The following TAF3 variants were observed in gnomAD, a reference collection of about 807,000 sequenced individuals.
TAF3 encodes TATA-box binding protein associated factor 3, also known as transcription initiation factor TFIID subunit 3.
TAF3 carries 7 observed loss-of-function variants against 80.6 expected under a neutral mutation model. The ratio of observed to expected loss-of-function variants is 0.09; its 90% CI spans 0.05 to 0.16. The LOEUF is 0.16. Among genes scored for constraint, TAF3 ranks in the 10% least tolerant of loss-of-function variants. The probability of loss-of-function intolerance (pLI) is 1.00; values close to 1 mark genes in which losing one functional copy is unlikely to be tolerated. For synonymous variants in TAF3, 444 were observed against 446.1 expected (o/e 1.00, Z 0.06); for missense variants, 921 against 1,140.2 (o/e 0.81, Z 2.77).
At chr10:7,844,439 C>T (rs1442853474) in intron 2 of TAF3, among the ~76,000 whole-genome samples, 7 of 148,844 alleles carry the variant, frequency 4.7e-5, no homozygotes, top group African/African-American at 1.5e-4. Context: ...TGCAGTGGCG[C>T]GATCTCGGCT....
chr10:7,863,051 A>G (rs1212281088), intron 2 of TAF3, among the ~76,000 whole-genome samples: 1 of 152,350 alleles, frequency 6.6e-6, no homozygotes. Context: ...ATGGCTGTGA[A>G]CAATAAGCTA....
intron 2 of TAF3, among the ~76,000 whole-genome samples, chr10:7,900,558 A>G (rs144122032): frequency 0.014 from 2,147 of 152,356 alleles, 20 homozygotes; most frequent in Non-Finnish European, 0.019. Flanking sequence ...TGCTGGCATC[A>G]TTGAAAACTC....
At chr10:7,932,649 G>A (rs1837878166) in intron 2 of TAF3, among the ~76,000 whole-genome samples, 1 of 147,884 alleles carries the variant, frequency 6.8e-6, no homozygotes, top group Non-Finnish European at 1.5e-5. Context: ...TGTAGCTGAC[G>A]TTGATTTATG....
chr10:7,956,148 G>T (rs1405845788), intron 2 of TAF3, among the ~76,000 whole-genome samples: 1 of 152,082 alleles, frequency 6.6e-6, no homozygotes, highest in Admixed American at 6.6e-5. Flanking sequence ...TGAATTCTTT[G>T]TAGTATTCTT....
At chr10:7,844,982 T>TG (rs1302192867) in intron 2 of TAF3, among the ~76,000 whole-genome samples, 18 of 152,202 alleles carry the variant, frequency 1.2e-4, no homozygotes, top group Admixed American at 9.2e-4. Context: ...ATTATTTCCT[T>TG]ATGATAAATT....
intron 2 of TAF3, among the ~76,000 whole-genome samples, chr10:7,832,026 A>G (rs6602273): frequency 0.09 from 13,716 of 152,160 alleles, 885 homozygotes; most frequent in African/African-American, 0.16. Context: ...TCAAATGCCT[A>G]TCGTTTTTTG....
At chr10:7,914,310 C>T (rs573784782) in intron 2 of TAF3, among the ~76,000 whole-genome samples, 17 of 152,224 alleles carry the variant, frequency 1.1e-4, no homozygotes, top group African/African-American at 2.2e-4. Context: ...GGTTTCTCAT[C>T]CTTCAAGTAT....
At chr10:7,821,209 C>A (rs533790993) in intron 1 of TAF3, among the ~76,000 whole-genome samples, 28 of 80,878 alleles carry the variant, frequency 3.5e-4, no homozygotes, top group African/African-American at 1.2e-3. Flanking sequence ...ATTATTCCCA[C>A]GTAATTTGGT....
At chr10:7,863,926 A>G (rs1172146219) in intron 2 of TAF3, among the ~76,000 whole-genome samples, 1 of 151,848 alleles carries the variant, frequency 6.6e-6, no homozygotes, top group Non-Finnish European at 1.5e-5. Flanking sequence ...TTAACAATAG[A>G]CTTAATATTT....
At chr10:7,928,911 A>C (rs1837841289) in intron 2 of TAF3, among the ~76,000 whole-genome samples, 1 of 152,188 alleles carries the variant, frequency 6.6e-6, no homozygotes, top group Non-Finnish European at 1.5e-5. Flanking sequence ...CATTGTGCTT[A>C]TGTCAAAATT....
intron 2 of TAF3, among the ~76,000 whole-genome samples, chr10:7,928,919 A>G (rs1050143825): frequency 6.6e-6 from 1 of 152,128 alleles, no homozygotes; most frequent in Non-Finnish European, 1.5e-5. Context: ...TTATGTCAAA[A>G]TTTTCATCTC....
At chr10:7,837,207 A>T (rs868790466) in intron 2 of TAF3, among the ~76,000 whole-genome samples, 10 of 152,330 alleles carry the variant, frequency 6.6e-5, no homozygotes, top group Non-Finnish European at 1.2e-4. Flanking sequence ...TACTAAAAAT[A>T]CAAAATTTAG....
chr10:8,010,237 T>G (rs984124497), intron 5 of TAF3, among the ~76,000 whole-genome samples: 4 of 152,236 alleles, frequency 2.6e-5, no homozygotes, highest in African/African-American at 9.6e-5. Context: ...AGTTTTTCAC[T>G]GCATTTTCAA....
chr10:8,002,330 G>A (rs180837919), intron 4 of TAF3, among the ~76,000 whole-genome samples: 5 of 152,134 alleles, frequency 3.3e-5, no homozygotes, highest in African/African-American at 9.6e-5. Context: ...GTCGCACATC[G>A]TAAAGCATAT....
At chr10:7,963,019 T>A (rs1056918098) in intron 2 of TAF3, among the ~76,000 whole-genome samples, 6 of 151,946 alleles carry the variant, frequency 3.9e-5, no homozygotes, top group Non-Finnish European at 4.4e-5. Flanking sequence ...GTTGAGAGAG[T>A]CCCTAAGGCT....
At chr10:7,852,169 C>T (rs1240319503) in intron 2 of TAF3, among the ~76,000 whole-genome samples, 2 of 152,100 alleles carry the variant, frequency 1.3e-5, no homozygotes, top group African/African-American at 2.4e-5. Flanking sequence ...ACTGCAGCCT[C>T]GAATTCCTGG....
At chr10:7,993,454 T>G (rs1831853709) in intron 4 of TAF3, among the ~76,000 whole-genome samples, 1 of 152,192 alleles carries the variant, frequency 6.6e-6, no homozygotes, top group Non-Finnish European at 1.5e-5. Context: ...GCTGAGATTA[T>G]AGGCGTGAGC....
At chr10:7,835,536 G>C (rs1244503) in intron 2 of TAF3, among the ~76,000 whole-genome samples, 27,305 of 152,138 alleles carry the variant, frequency 0.18, 2,533 homozygotes, top group South Asian at 0.26. Context: ...ACTGCCAGCT[G>C]TGTCCTCTCA....
At chr10:7,960,383 A>C (rs1297690867) in intron 2 of TAF3, among the ~76,000 whole-genome samples, 1 of 152,166 alleles carries the variant, frequency 6.6e-6, no homozygotes, top group Non-Finnish European at 1.5e-5. Context: ...TTTTTTTGTA[A>C]AGAGCTGGAT....
Sources: gnomAD v4.1 joint callset for allele counts (sites outside exome capture counted in the v4.1 genomes callset) on GRCh38, gnomAD v4.1.1 for gene constraint, MANE v1.5 for transcripts, NCBI Gene and HGNC (gene_info 2026-07-23, HGNC 2026-07-21) for gene names.